ANK1: variants seen among roughly 807,000 people sequenced by gnomAD.
ANK1 encodes ankyrin-1.
A neutral mutation model predicts 210.4 loss-of-function variants in ANK1; 51 were observed. The ratio of observed to expected loss-of-function variants is 0.24; its 90% CI spans 0.19 to 0.31. The LOEUF (loss-of-function observed/expected upper bound fraction) is 0.31. ANK1 is among the 10% of genes least tolerant of loss of function. The pLI is 1.00. For missense variants in ANK1, 2,051 were observed against 2,504.4 expected, an observed-to-expected ratio of 0.82 and a Z score of 3.86; for synonymous variants, 967 against 1,025.9, an observed-to-expected ratio of 0.94 and a Z score of 1.10.
rs780858028 is a variant in ANK1 at position 41,699,440 on chromosome 8, A to G, written c.2558+12T>C. ...CGGCACCCCCGGGGACCCTCCCGGGAGCACTGCTCACACTTGGTCTAGCTT... is the reference window on the plus strand; with the variant it reads ...CGGCACCCCCGGGGACCCTCCCGGGGGCACTGCTCACACTTGGTCTAGCTT... On this transcript the variant is annotated intron_variant, in intron 23 of 42. Transcript: ENST00000289734. 3.1e-6 allele frequency: 5 copies of G among 1,613,430 alleles called. No individual in the cohort carries two copies. The highest frequency in any genetic ancestry group is 1.1e-5 in the South Asian group (1 of 91,066).
At chr8:41,680,148 G>GAGAA (rs1401264968) in intron 37 of ANK1, among the ~76,000 whole-genome samples, 1 of 152,210 alleles carries the variant, frequency 6.6e-6, no homozygotes, top group Non-Finnish European at 1.5e-5. Flanking sequence ...GATGAGACTT[G>GAGAA]AGAACTGGGA....
intron 1 of ANK1, among the ~76,000 whole-genome samples, chr8:41,892,993 C>G (rs184151971): frequency 6.6e-6 from 1 of 152,126 alleles, no homozygotes; most frequent in Admixed American, 6.5e-5. Flanking sequence ...TGCAGGTATC[C>G]GGCTTAGTGT....
At chr8:41,794,601 G>A (rs886746576) in intron 1 of ANK1, among the ~76,000 whole-genome samples, 1 of 152,190 alleles carries the variant, frequency 6.6e-6, no homozygotes, top group African/African-American at 2.4e-5. Flanking sequence ...AGCTCTGCAA[G>A]GACAGAGTTT....
At chr8:41,764,156 C>T (rs1038444455) in intron 1 of ANK1, among the ~76,000 whole-genome samples, 6 of 88,602 alleles carry the variant, frequency 6.8e-5, no homozygotes, top group East Asian at 2.2e-4. Context: ...TGTTATAAAG[C>T]GGTCATGTGC....
At position 41,797,166 on chromosome 8, in the gene ANK1, A is replaced by G. The variant is rs751486490; in HGVS notation, c.27+346T>C. ...ACGCAGTTTAGCAGACTCAAAGGAA[A>G]GCCTCTAAGATCTCAATAGATTTGG... is the stretch of plus-strand genomic sequence containing the variant. On this transcript the variant is annotated intron_variant, in intron 1 of 42. Coordinates refer to ENST00000289734, the MANE Select transcript of ANK1 (RefSeq NM_000037.4). This position sits in a 1 kb window ranked among gnomAD's most constrained non-coding sequence, Gnocchi z 4.0. 1.6e-4 allele frequency among the ~76,000 whole-genome samples: 25 copies of G among 152,208 alleles called. No individual in the cohort carries two copies. The highest frequency in any genetic ancestry group is 3.5e-4 in the Non-Finnish European group (24 of 68,036).
chr8:41,729,125 T>C (rs1186595914), intron 3 of ANK1, among the ~76,000 whole-genome samples: 2 of 152,126 alleles, frequency 1.3e-5, no homozygotes, highest in African/African-American at 2.4e-5. Context: ...ATGATGTATG[T>C]AGGGAAGAGA....
chr8:41,715,131 A>T (rs1156970804), intron 14 of ANK1, 57 bp from the exon 15 acceptor site: 3 of 1,483,804 alleles, frequency 2.0e-6, no homozygotes, highest in African/African-American at 1.4e-5. Context: ...TCCCTGGAGA[A>T]AGGGCCCACA....
intron 1 of ANK1, among the ~76,000 whole-genome samples, chr8:41,788,216 T>C (rs757477301): frequency 7.9e-5 from 12 of 152,208 alleles, no homozygotes; most frequent in Non-Finnish European, 1.2e-4. Context: ...GTTTCTCTGA[T>C]TGCGCCCTTA....
intron 20 of ANK1, among the ~76,000 whole-genome samples, chr8:41,703,829 T>C (rs1823778704): frequency 6.6e-6 from 1 of 152,074 alleles, no homozygotes; most frequent in African/African-American, 2.4e-5. Flanking sequence ...GGAGGGTAAA[T>C]GGTGCTTAAA....
chr8:41,701,785 C>T (rs548112580), intron 21 of ANK1, among the ~76,000 whole-genome samples, 163 bp from the exon 22 acceptor site: 30 of 152,348 alleles, frequency 2.0e-4, no homozygotes, highest in African/African-American at 7.0e-4. Context: ...ACCACGGGGA[C>T]GGGACCCGGG....
At chr8:41,759,852 G>A (rs1840015054) in intron 1 of ANK1, among the ~76,000 whole-genome samples, 1 of 152,180 alleles carries the variant, frequency 6.6e-6, no homozygotes, top group African/African-American at 2.4e-5. Context: ...TTACAGATGA[G>A]TGGGCTGAGG....
Position 41,870,911 on chromosome 8 carries a change from C to G in ANK1, c.126+25444G>C, listed in dbSNP as rs1587536380. On this transcript the variant is annotated intron_variant, in intron 1 of 42. Transcript: ENST00000265709. ...TCCTTCTGGAATCAAGGATGAGCTG[C>G]TCCCCACCCCTCCTGGCTCTCGAAT... Among the ~76,000 whole-genome samples the G allele has an allele frequency of 2.0e-5, 3 of 152,168 alleles. 1 individual carries two copies. The highest frequency in any genetic ancestry group is 1.9e-4 in the East Asian group (1 of 5,190).
At chr8:41,658,507 C>T (rs1401865747) in intron 42 of ANK1, among the ~76,000 whole-genome samples, 1 of 152,210 alleles carries the variant, frequency 6.6e-6, no homozygotes, top group African/African-American at 2.4e-5. Context: ...AACCTGGAAG[C>T]AGGAGGAGGC....
In ANK1 at chr8:41,693,948, T is replaced by C; in HGVS notation, c.3482A>G (p.Asp1161Gly). 1 of 1,613,864 alleles carries C rather than the reference T, an allele frequency of 6.2e-7. No individual in the cohort carries two copies. Among genetic ancestry groups the C allele is most frequent in the Non-Finnish European group, 8.5e-7 (1 of 1,179,960 alleles). ...LPPSWTDNPR[D>G]SGEGDTTSLR... ...GCTGGTGGTGTCTCCCTCCCCGCTG[T>C]CCCTCGGGTTGTCGGTCCAGGAAGG... The change falls in exon 29 of 43, where the codon GAC (aspartate) becomes GGC (glycine). Residue 1161 changes from aspartate to glycine, a missense_variant. Transcript: ENST00000289734.
intron 1 of ANK1, among the ~76,000 whole-genome samples, chr8:41,856,766 CA>C (rs993774280): frequency 4.8e-4 from 70 of 146,296 alleles, no homozygotes; most frequent in Middle Eastern, 3.5e-3. Context: ...TTCCAAAATC[CA>C]AAAAAAAAAT....
chr8:41,805,235 CTT>C (rs1431033609), intron 1 of ANK1, among the ~76,000 whole-genome samples: 2 of 150,916 alleles, frequency 1.3e-5, no homozygotes, highest in African/African-American at 4.9e-5. Flanking sequence ...GTCTCTCTCT[CTT>C]TGTCTCTTTC....
chr8:41,860,570 T>C (rs1193767790), intron 1 of ANK1, among the ~76,000 whole-genome samples: 1 of 152,186 alleles, frequency 6.6e-6, no homozygotes, highest in Non-Finnish European at 1.5e-5. Context: ...TTAACCTCTC[T>C]GAACCTCAGG....
chr8:41,773,266 C>T (rs1234902750), intron 1 of ANK1, among the ~76,000 whole-genome samples: 1 of 152,096 alleles, frequency 6.6e-6, no homozygotes, highest in Non-Finnish European at 1.5e-5. Flanking sequence ...CCGGATCAGG[C>T]CCCACAGAGT....
chr8:41,833,633 T>G (rs1206893612), intron 1 of ANK1, among the ~76,000 whole-genome samples: 2 of 152,188 alleles, frequency 1.3e-5, no homozygotes, highest in African/African-American at 4.8e-5. Context: ...TGTCCCTGGG[T>G]GTCCCAAAGA....
Sources: allele counts gnomAD v4.1 joint callset (sites outside exome capture counted in the v4.1 genomes callset), GRCh38; gene constraint gnomAD v4.1.1; non-coding constraint Gnocchi (gnomAD v3.1); transcripts MANE v1.5; gene names NCBI Gene and HGNC (gene_info 2026-07-23, HGNC 2026-07-21).